Variants in CNTNAP2 observed in about 807,000 individuals in gnomAD.
CNTNAP2 encodes the protein contactin associated protein 2, also known as contactin-associated protein-like 2.
In CNTNAP2, 98 loss-of-function variants were observed where a neutral mutation model predicts 155.2. The ratio of observed to expected loss-of-function variants is 0.63; its 90% CI spans 0.54 to 0.75. CNTNAP2 has a LOEUF of 0.75. Among genes scored for constraint, CNTNAP2 ranks in the 30% least tolerant of loss-of-function variants. CNTNAP2 has a pLI of 0.00. For synonymous variants in CNTNAP2, 651 were observed against 631.2 expected (o/e 1.03, Z -0.47); for missense variants, 1,727 against 1,688.1 (o/e 1.02, Z -0.40).
chr7:148,156,396 A>G (rs1805398614), intron 17 of CNTNAP2, among the ~76,000 whole-genome samples: 1 of 152,084 alleles, frequency 6.6e-6, no homozygotes, highest in Non-Finnish European at 1.5e-5. Flanking sequence ...TTCTTCCCAC[A>G]GATTCCACAG....
chr7:146,887,274 G>A lies in CNTNAP2; in HGVS notation c.402+47370G>A, dbSNP rs1387474484. 3.3e-5 allele frequency among the ~76,000 whole-genome samples: 5 copies of A among 151,576 alleles called. No homozygotes were observed. In the South Asian group the frequency reaches 6.3e-4, roughly 19 times the overall value. On this transcript the variant is annotated intron_variant, in intron 3 of 23. Coordinates refer to ENST00000361727, the MANE Select transcript of CNTNAP2 (RefSeq NM_014141.6). ...GACAATTCTCCTGCCTCAGCCTCCC[G>A]AGTAGCTGGGATTACGGGCGCCCAC...
chr7:147,260,782 A>G (rs1057040668), intron 8 of CNTNAP2, among the ~76,000 whole-genome samples: 3 of 152,168 alleles, frequency 2.0e-5, no homozygotes, highest in African/African-American at 7.2e-5. Context: ...CCTGTGTGAA[A>G]GGATATTGGC....
At chr7:148,354,652 C>A (rs369798307) in intron 21 of CNTNAP2, among the ~76,000 whole-genome samples, 3 of 151,762 alleles carry the variant, frequency 2.0e-5, no homozygotes, top group African/African-American at 7.3e-5. Flanking sequence ...AGACATCTCC[C>A]TTCCCTGGGA....
At chr7:148,071,542 A>G (rs1203958026) in intron 15 of CNTNAP2, among the ~76,000 whole-genome samples, 2 of 152,188 alleles carry the variant, frequency 1.3e-5, no homozygotes, top group East Asian at 1.9e-4. Context: ...GGAACAGCAG[A>G]AGGAGAAAGT....
intron 13 of CNTNAP2, among the ~76,000 whole-genome samples, chr7:147,693,768 C>A (rs1462872491): frequency 2.0e-5 from 3 of 152,066 alleles, no homozygotes; most frequent in Middle Eastern, 3.4e-3. Flanking sequence ...TCTACATAGA[C>A]AATGATGTCA....
intron 1 of CNTNAP2, among the ~76,000 whole-genome samples, chr7:146,226,194 C>A (rs1030462850): frequency 6.6e-6 from 1 of 152,196 alleles, no homozygotes; most frequent in African/African-American, 2.4e-5. Context: ...TCTTACCCAA[C>A]ATACAACTTC....
chr7:148,369,745 A>G (rs1798854457), intron 21 of CNTNAP2, among the ~76,000 whole-genome samples: 1 of 151,728 alleles, frequency 6.6e-6, no homozygotes, highest in African/African-American at 2.4e-5. Context: ...ATAAGGGGTA[A>G]GCATTGCCAG....
intron 23 of CNTNAP2, among the ~76,000 whole-genome samples, chr7:148,410,277 A>G (rs183589243): frequency 4.6e-5 from 7 of 151,650 alleles, no homozygotes; most frequent in Non-Finnish European, 5.9e-5. Context: ...CTATAAAAAA[A>G]TGAAAAGGAA....
intron 15 of CNTNAP2, among the ~76,000 whole-genome samples, chr7:148,037,463 C>A (rs1056894671): frequency 2.0e-5 from 3 of 152,148 alleles, no homozygotes; most frequent in Admixed American, 6.5e-5. Context: ...TGGGTTACAT[C>A]TAGGTCAATA....
chr7:147,447,266 G>T (rs550338339), intron 10 of CNTNAP2, among the ~76,000 whole-genome samples: 1 of 152,206 alleles, frequency 6.6e-6, no homozygotes, highest in African/African-American at 2.4e-5. Context: ...CTCTACATGT[G>T]AATATATAGA....
At chr7:146,605,194 A>C (rs900731196) in intron 1 of CNTNAP2, among the ~76,000 whole-genome samples, 2 of 150,934 alleles carry the variant, frequency 1.3e-5, no homozygotes, top group Admixed American at 6.6e-5. Flanking sequence ...GGACATAGAG[A>C]CTATGTCTTG....
At chr7:147,726,840 TG>T (rs1224279778) in intron 13 of CNTNAP2, among the ~76,000 whole-genome samples, 3 of 152,038 alleles carry the variant, frequency 2.0e-5, no homozygotes, top group Admixed American at 2.0e-4. Context: ...CGGTCAGACT[TG>T]CTTCAGCCTC....
intron 1 of CNTNAP2, among the ~76,000 whole-genome samples, chr7:146,185,103 GC>G (rs1162073111): frequency 1.3e-5 from 2 of 151,958 alleles, no homozygotes; most frequent in East Asian, 3.9e-4. Context: ...AGTTTCCCAG[GC>G]CAATCCATAA....
chr7:148,351,519 C>A (rs1798424986), intron 21 of CNTNAP2, among the ~76,000 whole-genome samples: 1 of 151,742 alleles, frequency 6.6e-6, no homozygotes, highest in African/African-American at 2.4e-5. Flanking sequence ...CCGAGGTGGG[C>A]AGATCACGAG....
chr7:146,481,668 C>T (rs1796961976), intron 1 of CNTNAP2, among the ~76,000 whole-genome samples: 1 of 152,090 alleles, frequency 6.6e-6, no homozygotes, highest in Admixed American at 6.5e-5. Flanking sequence ...CACTGTCGCT[C>T]GGAGTAGCAG....
intron 14 of CNTNAP2, among the ~76,000 whole-genome samples, chr7:147,956,058 CT>C (rs1273123433): frequency 4.6e-5 from 7 of 152,234 alleles, no homozygotes; most frequent in African/African-American, 1.4e-4. Context: ...CTTACTTAGC[CT>C]ACTTAGCTAC....
chr7:147,315,757 G>A (rs1484984603), intron 9 of CNTNAP2, among the ~76,000 whole-genome samples: 1 of 152,020 alleles, frequency 6.6e-6, no homozygotes, highest in African/African-American at 2.4e-5. Context: ...GGGATTACAG[G>A]CGTGAGCCAC....
chr7:148,101,681 T>C (rs948312928), intron 15 of CNTNAP2, among the ~76,000 whole-genome samples: 6 of 152,112 alleles, frequency 3.9e-5, no homozygotes, highest in Admixed American at 6.6e-5. Context: ...GCCCCTAGAC[T>C]GGGAAAAGGT....
intron 10 of CNTNAP2, among the ~76,000 whole-genome samples, chr7:147,472,509 A>G (rs900864990): frequency 6.6e-6 from 1 of 152,004 alleles, no homozygotes; most frequent in African/African-American, 2.4e-5. Context: ...CACCACACTC[A>G]GCCCAACAAC....
Sources: allele counts gnomAD v4.1 joint callset (sites outside exome capture counted in the v4.1 genomes callset), GRCh38; gene constraint gnomAD v4.1.1; transcripts MANE v1.5; gene names NCBI Gene and HGNC (gene_info 2026-07-23, HGNC 2026-07-21).